RAPGEF6: variants seen among roughly 807,000 people sequenced by gnomAD.
RAPGEF6 encodes the protein Rap guanine nucleotide exchange factor 6, also known as PDZ domain containing guanine nucleotide exchange factor (GEF) 2.
Under a neutral mutation model 171.4 loss-of-function variants are expected in RAPGEF6, and 56 were observed. The ratio of observed to expected loss-of-function variants is 0.33; its 90% CI spans 0.26 to 0.41. The LOEUF is 0.41. Among genes scored for constraint, RAPGEF6 ranks in the 10% least tolerant of loss-of-function variants. The probability of loss-of-function intolerance (pLI) is 1.00; values close to 1 mark genes in which losing one functional copy is unlikely to be tolerated. For synonymous variants in RAPGEF6, 692 were observed against 650.1 expected, an observed-to-expected ratio of 1.06 and a Z score of -0.98; for missense variants, 1,674 against 1,921.4, an observed-to-expected ratio of 0.87 and a Z score of 2.41.
At chr5:131,464,791 C>T (rs570071092) in intron 17 of RAPGEF6, among the ~76,000 whole-genome samples, 1 of 152,252 alleles carries the variant, frequency 6.6e-6, no homozygotes, top group Non-Finnish European at 1.5e-5. Context: ...AACAGAATTG[C>T]TGAATTAGAA....
At chr5:131,598,435 A>C (rs1195786836) in intron 3 of RAPGEF6, among the ~76,000 whole-genome samples, 1 of 152,224 alleles carries the variant, frequency 6.6e-6, no homozygotes, top group Non-Finnish European at 1.5e-5. Flanking sequence ...AAAGATATCA[A>C]ATCAGGGTAT....
chr5:131,451,958 C>T (rs190525271), intron 21 of RAPGEF6, among the ~76,000 whole-genome samples: 5 of 152,198 alleles, frequency 3.3e-5, no homozygotes, highest in Middle Eastern at 3.4e-3. Flanking sequence ...ATAGGCCAGG[C>T]GCGGTGGCTC....
intron 23 of RAPGEF6, among the ~76,000 whole-genome samples, chr5:131,440,737 C>CAAAAAAAAAAAAA (rs1168441695): frequency 3.0e-5 from 2 of 66,844 alleles, no homozygotes; most frequent in Middle Eastern, 7.6e-3. Context: ...GACTCTGTCT[C>CAAAAAAAAAAAAA]AAAAAAAAAA....
chr5:131,424,073 A>C lies in RAPGEF6; in HGVS notation c.*3193T>G, dbSNP rs538395017. The C allele has an allele frequency of 6.6e-6, 1 of 152,388 alleles. No homozygotes were observed. The highest frequency in any genetic ancestry group is 1.5e-5 in the Non-Finnish European group (1 of 68,036). The allele number at this position is 152,388 out of a possible 1,614,324, so 9.4% of individuals were successfully genotyped here. A position where few individuals can be genotyped will look rare whatever the true frequency, so the allele number is the denominator to read the frequency against. ...CAGAGGCACTGTCTTTCTAAAAGACATAAGTTTAAGAGGTATCAAAAAATA... is the reference window on the plus strand; with the variant it reads ...CAGAGGCACTGTCTTTCTAAAAGACCTAAGTTTAAGAGGTATCAAAAAATA... On this transcript the variant is annotated 3_prime_UTR_variant, in exon 28 of 28. Coordinates refer to ENST00000509018, the MANE Select transcript of RAPGEF6 (RefSeq NM_016340.6).
At chr5:131,511,481 C>CTTTTTTTTTTTTTT (rs55782171) in intron 7 of RAPGEF6, among the ~76,000 whole-genome samples, 29 of 137,324 alleles carry the variant, frequency 2.1e-4, no homozygotes, top group African/African-American at 2.2e-4. Flanking sequence ...AAAAGATCAT[C>CTTTTTTTTTTTTTT]TTTTTTTTTT....
chr5:131,450,070 T>A, intron 21 of RAPGEF6: 1 of 1,537,682 alleles, frequency 6.5e-7, no homozygotes. Flanking sequence ...CCACAAACAT[T>A]GAAGCATGTG....
intron 4 of RAPGEF6, among the ~76,000 whole-genome samples, chr5:131,574,164 C>A (rs1181951640): frequency 6.6e-6 from 1 of 152,182 alleles, no homozygotes; most frequent in African/African-American, 2.4e-5. Context: ...GGCCACTGGG[C>A]CTCAGAATGC....
chr5:131,517,441 T>C (rs1028703278), intron 7 of RAPGEF6, among the ~76,000 whole-genome samples: 3 of 148,900 alleles, frequency 2.0e-5, no homozygotes, highest in African/African-American at 7.4e-5. Context: ...GCAGAAACAC[T>C]AAAAAAAAAT....
chr5:131,559,836 A>G (rs1020717875), intron 5 of RAPGEF6, among the ~76,000 whole-genome samples: 1 of 145,440 alleles, frequency 6.9e-6, no homozygotes, highest in African/African-American at 2.8e-5. Context: ...TTTCTTTAAG[A>G]AAAAAAGAAA....
At chr5:131,614,281 C>CAAAAAAAAA (rs386404987) in intron 1 of RAPGEF6, among the ~76,000 whole-genome samples, 5 of 81,392 alleles carry the variant, frequency 6.1e-5, no homozygotes, top group African/African-American at 1.1e-4. Flanking sequence ...GACTCTGTCT[C>CAAAAAAAAA]AAAAAAAAAA....
chr5:131,485,138 C>G (rs2149864545), intron 15 of RAPGEF6, among the ~76,000 whole-genome samples: 2 of 152,186 alleles, frequency 1.3e-5, no homozygotes, highest in East Asian at 3.9e-4. Context: ...GTTGCCCAGG[C>G]TGGTCTTGGA....
At chr5:131,468,265 T>C (rs1313735512) in intron 17 of RAPGEF6, among the ~76,000 whole-genome samples, 2 of 134,900 alleles carry the variant, frequency 1.5e-5, no homozygotes, top group Admixed American at 8.4e-5. Context: ...CCGGGAGGCG[T>C]AGCTTGCAGT....
At chr5:131,511,607 T>A (rs1757734312) in intron 7 of RAPGEF6, among the ~76,000 whole-genome samples, 1 of 151,254 alleles carries the variant, frequency 6.6e-6, no homozygotes, top group African/African-American at 2.4e-5. Flanking sequence ...AGAAATCCTC[T>A]CTCCTGAACG....
At chr5:131,614,160 T>C (rs974183561) in intron 1 of RAPGEF6, among the ~76,000 whole-genome samples, 2 of 151,216 alleles carry the variant, frequency 1.3e-5, no homozygotes, top group African/African-American at 4.9e-5. Flanking sequence ...CAGGTGCCTG[T>C]AATCCCAGCT....
At chr5:131,604,787 T>A (rs1764452343) in intron 1 of RAPGEF6, 94 bp from the exon 2 acceptor site, 1 of 1,405,206 alleles carries the variant, frequency 7.1e-7, no homozygotes, top group Admixed American at 2.8e-5. Context: ...AAACAACCAC[T>A]TATGGCAAAG....
At chr5:131,494,550 A>C (rs1299430651) in intron 13 of RAPGEF6, among the ~76,000 whole-genome samples, 1 of 152,240 alleles carries the variant, frequency 6.6e-6, no homozygotes. Flanking sequence ...CTGGAAAATA[A>C]AATAGTCTGA....
At chr5:131,528,068 A>T (rs1184269530) in intron 6 of RAPGEF6, among the ~76,000 whole-genome samples, 1 of 76,200 alleles carries the variant, frequency 1.3e-5, no homozygotes, top group East Asian at 2.6e-4. Flanking sequence ...TAATATATAA[A>T]TTTATAATTT....
chr5:131,587,682 C>G (rs1763334640), intron 4 of RAPGEF6, among the ~76,000 whole-genome samples: 1 of 152,212 alleles, frequency 6.6e-6, no homozygotes, highest in African/African-American at 2.4e-5. Flanking sequence ...GGCAAAGTCT[C>G]TGACCTTCTC....
chr5:131,493,355 C>T (rs962242239), intron 13 of RAPGEF6, among the ~76,000 whole-genome samples: 6 of 152,152 alleles, frequency 3.9e-5, no homozygotes, highest in African/African-American at 1.2e-4. Context: ...TGAGCCACCG[C>T]GCCCGACCTA....
Sources: gnomAD v4.1 joint callset for allele counts (sites outside exome capture counted in the v4.1 genomes callset) on GRCh38, gnomAD v4.1.1 for gene constraint, MANE v1.5 for transcripts, NCBI Gene and HGNC (gene_info 2026-07-23, HGNC 2026-07-21) for gene names.